SLC2A4: variants seen among roughly 807,000 people sequenced by gnomAD.
The protein encoded by SLC2A4 is solute carrier family 2, facilitated glucose transporter member 4.
A neutral mutation model predicts 53.3 loss-of-function variants in SLC2A4; 31 were observed. The observed-to-expected ratio is 0.58, with a 90% CI of 0.44 to 0.78. The LOEUF (loss-of-function observed/expected upper bound fraction) is 0.78. Ranked by LOEUF, SLC2A4 falls within the 30% of genes least tolerant of loss-of-function variation. SLC2A4 has a pLI of 0.00. For synonymous variants in SLC2A4, 276 were observed against 281.9 expected (o/e 0.98, Z 0.21); for missense variants, 538 against 655.7 (o/e 0.82, Z 1.96).
chr17:7,283,481 A>G lies in SLC2A4; in HGVS notation c.159A>G (p.Glu53=). Residue 53 remains glutamate, a synonymous_variant, in exon 3 of 11, where the codon GAA becomes GAG. Transcript: ENST00000317370. The surrounding 1 kb of genome is among the most constrained non-coding windows in gnomAD (Gnocchi z 5.8). ...GVINAPQKVI[E]QSYNETWLGR... The stretch of plus-strand genomic sequence containing the variant: ...CCTCTGCTGTCCCCCAGGTGATTGA[A>G]CAGAGCTACAATGAGACGTGGCTGG... 3 of 1,613,352 alleles carry G rather than the reference A, an allele frequency of 1.9e-6. No individual in the cohort carries two copies. The highest frequency in any genetic ancestry group is 2.5e-6 in the Non-Finnish European group (3 of 1,179,572).
At chr17:7,286,276 T>C (rs2072448685) in intron 10 of SLC2A4, 150 bp from the exon 11 acceptor site, 2 of 773,040 alleles carry the variant, frequency 2.6e-6, no homozygotes, top group African/African-American at 1.7e-5. Context: ...TAAATTCTCA[T>C]TCCTGCTCAT....
In SLC2A4 at chr17:7,283,327, G is replaced by C. The variant is rs1259133139; in HGVS notation, c.116G>C (p.Gly39Ala). 1 of 1,614,018 alleles carries C rather than the reference G, an allele frequency of 6.2e-7. No homozygotes were observed. Among genetic ancestry groups the C allele is most frequent in the East Asian group, 2.2e-5 (1 of 44,870 alleles). Residue 39 changes from glycine to alanine, a missense_variant, in exon 2 of 11, where the codon GGG becomes GCG. Coordinates refer to ENST00000317370, the MANE Select transcript of SLC2A4 (RefSeq NM_001042.3). The surrounding 1 kb of genome is among the most constrained non-coding windows in gnomAD (Gnocchi z 5.8). The stretch of plus-strand genomic sequence containing the variant: ...GCGGTGCTTGGCTCCCTGCAGTTTG[G>C]GTACAACATTGGGGTCATCAATGCC... ...FSAVLGSLQF[G>A]YNIGVINAPQ...
Position 7,284,387 on chromosome 17 carries a change from C to CT in SLC2A4, c.727+9dup. On this transcript the variant is annotated intron_variant, in intron 6 of 10. Coordinates refer to ENST00000317370, the MANE Select transcript of SLC2A4 (RefSeq NM_001042.3). This position sits in a 1 kb window ranked among gnomAD's most constrained non-coding sequence, Gnocchi z 7.5. ...AGGGGCCTGCCAGAAAGAGTAAGCT[C>CT]TCCCGCTGCAGCCTGGCCCAGGCCC... is the stretch of plus-strand genomic sequence containing the variant. The CT allele has an allele frequency of 6.2e-7, 1 of 1,614,132 alleles. No homozygotes were observed. Among genetic ancestry groups the CT allele is most frequent in the Non-Finnish European group, 8.5e-7 (1 of 1,180,024 alleles).
Position 7,283,176 on chromosome 17 carries a change from G to A in SLC2A4, c.34-69G>A. ...TATCTTCAGGCTCCAGCTGGGCCCG[G>A]GCCCCTAGCGGAAGGAAAAAAATCA... On this transcript the variant is annotated intron_variant, in intron 1 of 10. Transcript: ENST00000317370. This position sits in a 1 kb window ranked among gnomAD's most constrained non-coding sequence, Gnocchi z 5.8. 1 of 1,303,672 alleles carries A rather than the reference G, an allele frequency of 7.7e-7. No individual in the cohort carries two copies. The highest frequency in any genetic ancestry group is 1.5e-5 in the African/African-American group (1 of 68,856). 80.8% of individuals were successfully genotyped at this position (1,303,672 alleles called of 1,614,324 possible). A position where few individuals can be genotyped will look rare whatever the true frequency, so the allele number is the denominator to read the frequency against.
chr17:7,283,174 C>T lies in SLC2A4; in HGVS notation c.34-71C>T, dbSNP rs918299854. On this transcript the variant is annotated intron_variant, in intron 1 of 10. Coordinates refer to ENST00000317370, the MANE Select transcript of SLC2A4 (RefSeq NM_001042.3). This position sits in a 1 kb window ranked among gnomAD's most constrained non-coding sequence, Gnocchi z 5.8. ...AGTATCTTCAGGCTCCAGCTGGGCC[C>T]GGGCCCCTAGCGGAAGGAAAAAAAT... The T allele has an allele frequency of 3.9e-5, 50 of 1,286,046 alleles. No homozygotes were observed. The African/African-American group carries it at 3.9e-4, about 10-fold the overall frequency. 79.7% of individuals were successfully genotyped at this position (1,286,046 alleles called of 1,614,324 possible).
rs759471652 is a variant in SLC2A4, at chr17:7,284,521, G to C, written c.764G>C (p.Gly255Ala). The C allele has an allele frequency of 1.9e-5, 30 of 1,614,154 alleles. No homozygotes were observed. The highest frequency in any genetic ancestry group is 2.3e-5 in the Non-Finnish European group (27 of 1,180,066). ...CTGACAGGCTGGGCCGATGTTTCTG[G>C]AGTGCTGGCTGAGCTGAAGGATGAG... is the stretch of plus-strand genomic sequence containing the variant. ...KRLTGWADVS[G>A]VLAELKDEKR... The change falls in exon 7 of 11, where the codon GGA becomes GCA. Residue 255 changes from glycine (G) to alanine (A), a missense_variant. Coordinates refer to ENST00000317370, the MANE Select transcript of SLC2A4 (RefSeq NM_001042.3). This position sits in a 1 kb window ranked among gnomAD's most constrained non-coding sequence, Gnocchi z 7.5.
At position 7,285,158 on chromosome 17, in the gene SLC2A4, C is replaced by T. The variant is rs1414681922; in HGVS notation, c.1091C>T (p.Ala364Val). 1.2e-6 allele frequency: 2 copies of T among 1,602,426 alleles called. No individual in the cohort carries two copies. The highest frequency in any genetic ancestry group is 8.5e-7 in the Non-Finnish European group (1 of 1,176,242). Residue 364 changes from alanine (A) to valine (V), a missense_variant, in exon 9 of 11, where the codon GCC (alanine) becomes GTC (valine). By Grantham distance (64) the Ala-to-Val change is moderately conservative (BLOSUM62 0). Transcript: ENST00000317370. This position sits in a 1 kb window ranked among gnomAD's most constrained non-coding sequence, Gnocchi z 6.0. ...LLGLAGMCGC[A>V]ILMTVALLLL... ...GGCCTGGCGGGCATGTGTGGCTGTGCCATCCTGATGACTGTGGCTCTGCTC... is the reference window on the plus strand; with the variant it reads ...GGCCTGGCGGGCATGTGTGGCTGTGTCATCCTGATGACTGTGGCTCTGCTC...
chr17:7,283,074 C>G lies in SLC2A4; in HGVS notation c.34-171C>G. On this transcript the variant is annotated intron_variant, in intron 1 of 10. Coordinates refer to ENST00000317370, the MANE Select transcript of SLC2A4 (RefSeq NM_001042.3). The surrounding 1 kb of genome is among the most constrained non-coding windows in gnomAD (Gnocchi z 5.8). ...TTTATGCCCAGGTTGCAGTTCAGCT[C>G]CTGTTTACATTGAGATCTTTGTGCA... 1 of 736,650 alleles carries G rather than the reference C, an allele frequency of 1.4e-6. No homozygotes were observed. Among genetic ancestry groups the G allele is most frequent in the Non-Finnish European group, 2.5e-6 (1 of 399,044 alleles). The allele number at this position is 736,650 out of a possible 1,614,324, so 45.6% of individuals were successfully genotyped here.
In SLC2A4 at chr17:7,288,248, C is replaced by A; in HGVS notation, c.*1619C>A. On this transcript the variant is annotated 3_prime_UTR_variant, in exon 11 of 11. Coordinates refer to ENST00000317370, the MANE Select transcript of SLC2A4 (RefSeq NM_001042.3). ...TCTCCAAAACAGAAGAGATGGAGAC[C>A]AAGACCACAGGAAAGCCTGTTTTTG... 1 of 157,246 alleles carries A rather than the reference C, an allele frequency of 6.4e-6. No individual in the cohort carries two copies. The highest frequency in any genetic ancestry group is 1.4e-5 in the Non-Finnish European group (1 of 70,804). The allele number at this position is 157,246 out of a possible 1,614,324, so 9.7% of individuals were successfully genotyped here.
Position 7,283,399 on chromosome 17 carries a change from CGAG to C in SLC2A4, c.150+44_150+46del, listed in dbSNP as rs768116687. ...AGCTGGCAGGGTGGGGGTACCCAAACGAGGAGGACAGGTGTCTCGGGGGTGGTG... is the reference window on the plus strand; with the variant it reads ...AGCTGGCAGGGTGGGGGTACCCAAACGAGGACAGGTGTCTCGGGGGTGGTG... On this transcript the variant is annotated intron_variant, in intron 2 of 10. Transcript: ENST00000317370. This position sits in a 1 kb window ranked among gnomAD's most constrained non-coding sequence, Gnocchi z 5.8. 15 of 1,610,936 alleles carry C rather than the reference CGAG, an allele frequency of 9.3e-6. No homozygotes were observed. The highest frequency in any genetic ancestry group is 1.6e-4 in the Middle Eastern group (1 of 6,076).
rs1567602332 is a variant in SLC2A4, at chr17:7,284,715, GGTAGACGAGAGTGGGGA to G, written c.915+45_915+61del. 1 of 1,612,512 alleles carries G rather than the reference GGTAGACGAGAGTGGGGA, an allele frequency of 6.2e-7. No homozygotes were observed. Among genetic ancestry groups the G allele is most frequent in the South Asian group, 1.1e-5 (1 of 90,988 alleles). On this transcript the variant is annotated intron_variant, in intron 7 of 10. Coordinates refer to ENST00000317370, the MANE Select transcript of SLC2A4 (RefSeq NM_001042.3). The surrounding 1 kb of genome is among the most constrained non-coding windows in gnomAD (Gnocchi z 7.5). ...TCCAGGCAGGGCACAGCCCCGGGAG[GGTAGACGAGAGTGGGGA>G]GCAAACCCCCTCCACCAACACCCAG...
rs2072413977 is a variant in SLC2A4 at position 7,282,847 on chromosome 17, A to G, written c.34-398A>G. 2.5e-5 allele frequency: 9 copies of G among 356,176 alleles called. 1 individual carries two copies. The highest frequency in any genetic ancestry group is 1.6e-4 in the South Asian group (7 of 44,686). The allele number at this position is 356,176 out of a possible 1,614,324, so 22.1% of individuals were successfully genotyped here. A position where few individuals can be genotyped will look rare whatever the true frequency, so the allele number is the denominator to read the frequency against. The stretch of plus-strand genomic sequence containing the variant: ...AACATGTGATGTTGATTTTCACAAC[A>G]CTCTCACAGATAGGTAGGCAAGGCA... On this transcript the variant is annotated intron_variant, in intron 1 of 10. Transcript: ENST00000317370. This position sits in a 1 kb window ranked among gnomAD's most constrained non-coding sequence, Gnocchi z 4.1.
Position 7,286,512 on chromosome 17 carries a change from T to C in SLC2A4, c.1413T>C (p.Thr471=), listed in dbSNP as rs781389668. The change falls in exon 11 of 11, where the codon ACT becomes ACC. Residue 471 remains threonine, a synonymous_variant. Transcript: ENST00000317370. ...TCACCTTCTTAAGAGTACCTGAAAC[T>C]CGAGGCCGGACGTTTGACCAGATCT... The part of the protein sequence containing the change: ...FIFTFLRVPE[T]RGRTFDQISA... The C allele has an allele frequency of 1.9e-6, 3 of 1,614,044 alleles. No homozygotes were observed. In the African/African-American group the frequency reaches 4.0e-5, roughly 22 times the overall value.
At position 7,282,374 on chromosome 17, in the gene SLC2A4, C is replaced by T. The variant is rs2072409687; in HGVS notation, c.33+407C>T. Reference sequence around the variant, plus strand: ...CGAGGACCGGAGGCTCTCCGTGGGCCCCCACCCCCACTCCTGGCCGCCCTC... The same window carrying T: ...CGAGGACCGGAGGCTCTCCGTGGGCTCCCACCCCCACTCCTGGCCGCCCTC... On this transcript the variant is annotated intron_variant, in intron 1 of 10. Transcript: ENST00000317370. This position sits in a 1 kb window ranked among gnomAD's most constrained non-coding sequence, Gnocchi z 4.1. 1 of 465,926 alleles carries T rather than the reference C, an allele frequency of 2.1e-6. No homozygotes were observed. The highest frequency in any genetic ancestry group is 4.3e-6 in the Non-Finnish European group (1 of 233,646). The allele number at this position is 465,926 out of a possible 1,614,324, so 28.9% of individuals were successfully genotyped here.
chr17:7,286,978 T>C lies in SLC2A4; in HGVS notation c.*349T>C, dbSNP rs1452376063. 1 of 350,642 alleles carries C rather than the reference T, an allele frequency of 2.9e-6. No individual in the cohort carries two copies. The highest frequency in any genetic ancestry group is 2.1e-5 in the African/African-American group (1 of 46,980). 21.7% of individuals were successfully genotyped at this position (350,642 alleles called of 1,614,324 possible). ...GAAGGGGGATTGGAGGGAAGACAGG[T>C]CTAGACTTTCTCAGTGGGACAAACC... On this transcript the variant is annotated 3_prime_UTR_variant, in exon 11 of 11. Transcript: ENST00000317370.
chr17:7,284,892 G>A lies in SLC2A4; in HGVS notation c.973G>A (p.Ala325Thr). 1 of 1,614,166 alleles carries A rather than the reference G, an allele frequency of 6.2e-7. No homozygotes were observed. The highest frequency in any genetic ancestry group is 8.5e-7 in the Non-Finnish European group (1 of 1,180,006). ...AGCAGGGGTAGGCCAGCCTGCCTAT[G>A]CCACCATAGGAGCTGGTGTGGTCAA... ...ETAGVGQPAY[A>T]TIGAGVVNTV... Residue 325 changes from alanine to threonine, a missense_variant, in exon 8 of 11, where the codon GCC becomes ACC. Coordinates refer to ENST00000317370, the MANE Select transcript of SLC2A4 (RefSeq NM_001042.3). The surrounding 1 kb of genome is among the most constrained non-coding windows in gnomAD (Gnocchi z 7.5).
Position 7,283,863 on chromosome 17 carries a change from G to T in SLC2A4, c.448+1G>T. The stretch of plus-strand genomic sequence containing the variant: ...CGATTCCTCATTGGCGCCTACTCAG[G>T]TACTCACGGGCACCACAGCCCTGCC... On this transcript the variant is annotated splice_donor_variant, in intron 4 of 10. Coordinates refer to ENST00000317370, the MANE Select transcript of SLC2A4 (RefSeq NM_001042.3). LOFTEE classifies it high-confidence loss of function. This position sits in a 1 kb window ranked among gnomAD's most constrained non-coding sequence, Gnocchi z 5.8. The T allele has an allele frequency of 1.2e-6, 2 of 1,614,170 alleles. No individual in the cohort carries two copies. The highest frequency in any genetic ancestry group is 1.7e-6 in the Non-Finnish European group (2 of 1,180,042).
Position 7,284,152 on chromosome 17 carries a change from G to C in SLC2A4, c.564+63G>C. The stretch of plus-strand genomic sequence containing the variant: ...TTAGAGTGGGGCTCTGGAGAATATG[G>C]TGGGCTTCCAAGGTAAGGCAGAAGG... On this transcript the variant is annotated intron_variant, in intron 5 of 10. Transcript: ENST00000317370. This position sits in a 1 kb window ranked among gnomAD's most constrained non-coding sequence, Gnocchi z 7.5. 2 of 1,610,696 alleles carry C rather than the reference G, an allele frequency of 1.2e-6. No individual in the cohort carries two copies. The highest frequency in any genetic ancestry group is 1.7e-6 in the Non-Finnish European group (2 of 1,178,346).
At position 7,284,310 on chromosome 17, in the gene SLC2A4, C is replaced by T. The variant is rs773967330; in HGVS notation, c.658C>T (p.Leu220=). The T allele has an allele frequency of 6.2e-7, 1 of 1,614,224 alleles. No homozygotes were observed. The highest frequency in any genetic ancestry group is 8.5e-7 in the Non-Finnish European group (1 of 1,180,046). The change falls in exon 6 of 11, where the codon CTG becomes TTG. Residue 220 remains leucine, a synonymous_variant. Coordinates refer to ENST00000317370, the MANE Select transcript of SLC2A4 (RefSeq NM_001042.3). This position sits in a 1 kb window ranked among gnomAD's most constrained non-coding sequence, Gnocchi z 7.5. ...ACCTGCCCTCCTGCAGCTGGTCCTG[C>T]TGCCCTTCTGTCCCGAGAGCCCCCG... ...VLPALLQLVL[L]PFCPESPRYL...
Sources: gnomAD v4.1 joint callset for allele counts on GRCh38, gnomAD v4.1.1 for gene constraint, Gnocchi (gnomAD v3.1) non-coding constraint, MANE v1.5 for transcripts, NCBI Gene and HGNC (gene_info 2026-07-23, HGNC 2026-07-21) for gene names.